Variants in MACF1 observed in about 807,000 individuals in gnomAD.
MACF1 encodes microtubule actin crosslinking factor 1.
MACF1 carries 193 observed loss-of-function variants against 854.8 expected under a neutral mutation model. That is an observed-to-expected ratio of 0.23 (90% CI 0.20 to 0.25). The LOEUF (loss-of-function observed/expected upper bound fraction) is 0.25, where lower values mean the gene tolerates loss of function less well. Ranked by LOEUF, MACF1 falls within the 10% of genes least tolerant of loss-of-function variation. The probability of loss-of-function intolerance (pLI) is 1.00; values close to 1 mark genes in which losing one functional copy is unlikely to be tolerated. For missense variants in MACF1, 7,722 were observed against 8,929.1 expected (o/e 0.86, Z 5.45); for synonymous variants, 3,185 against 3,226.7 (o/e 0.99, Z 0.44).
At chr1:39,225,751 G>T (rs1644709567) in intron 1 of MACF1, among the ~76,000 whole-genome samples, 1 of 151,976 alleles carries the variant, frequency 6.6e-6, no homozygotes, top group Admixed American at 6.6e-5. Context: ...CTCACATAAG[G>T]GTACTTTCTG....
At chr1:39,480,758 G>T (rs936849259) in intron 98 of MACF1, among the ~76,000 whole-genome samples, 162 bp from the exon 99 acceptor site, 5 of 152,300 alleles carry the variant, frequency 3.3e-5, no homozygotes, top group African/African-American at 9.6e-5. Flanking sequence ...GTTAGTGCCT[G>T]CCTGGTCCTT....
chr1:39,441,360 A>G (rs749992740), intron 74 of MACF1, 35 bp downstream of exon 74: 6 of 1,557,968 alleles, frequency 3.9e-6, no homozygotes, highest in Admixed American at 1.7e-5. Flanking sequence ...AAGGAAATAC[A>G]GGTTCTGTTT....
intron 61 of MACF1, among the ~76,000 whole-genome samples, chr1:39,426,285 G>A (rs1643724378): frequency 6.6e-6 from 1 of 152,150 alleles, no homozygotes; most frequent in Admixed American, 6.5e-5. Context: ...TGAATTTCCA[G>A]TAATCAAAAT....
In MACF1 at chr1:39,351,033, T is replaced by C; in HGVS notation, c.11199+15T>C. Reference sequence around the variant, plus strand: ...AGACTGAAAAGGTAATAGACTGCTATGACGCTTGATATTTTTCAAAAAAGA... The same window carrying C: ...AGACTGAAAAGGTAATAGACTGCTACGACGCTTGATATTTTTCAAAAAAGA... On this transcript the variant is annotated intron_variant, in intron 43 of 100. Transcript: ENST00000564288. 1.3e-6 allele frequency: 2 copies of C among 1,579,118 alleles called. No individual in the cohort carries two copies. The highest frequency in any genetic ancestry group is 2.3e-5 in the South Asian group (2 of 86,538).
intron 20 of MACF1, among the ~76,000 whole-genome samples, chr1:39,296,801 G>GA (rs1491178037): frequency 3.1e-5 from 1 of 31,880 alleles, no homozygotes; most frequent in Non-Finnish European, 7.9e-5. Context: ...AGGAAGGAAG[G>GA]AAAAGAAAGA....
chr1:39,379,488 G>A lies in MACF1; in HGVS notation c.13518+44G>A, dbSNP rs753980262. On this transcript the variant is annotated intron_variant, in intron 54 of 100. Coordinates refer to ENST00000564288, the MANE Select transcript of MACF1 (RefSeq NM_001394062.1). Reference sequence around the variant, plus strand: ...TTGCCTCCCAACACCAAGAGGAAGAGACAGCTGTACCAGTGTTCCTGCCCA... The same window carrying A: ...TTGCCTCCCAACACCAAGAGGAAGAAACAGCTGTACCAGTGTTCCTGCCCA... 16 of 1,574,502 alleles carry A rather than the reference G, an allele frequency of 1.0e-5. No homozygotes were observed. In the South Asian group the frequency reaches 1.7e-4, roughly 17 times the overall value.
chr1:39,408,213 C>A (rs915598090), intron 58 of MACF1, among the ~76,000 whole-genome samples: 1 of 152,174 alleles, frequency 6.6e-6, no homozygotes, highest in Non-Finnish European at 1.5e-5. Flanking sequence ...CCATTTTCTT[C>A]CGTCATTGAT....
At chr1:39,261,564 G>A (rs1435428705) in intron 6 of MACF1, among the ~76,000 whole-genome samples, 1 of 152,070 alleles carries the variant, frequency 6.6e-6, no homozygotes, top group East Asian at 1.9e-4. Flanking sequence ...ATGATAGATG[G>A]TCTTTTGTAT....
At chr1:39,424,979 G>A (rs894567784) in intron 61 of MACF1, among the ~76,000 whole-genome samples, 3 of 152,142 alleles carry the variant, frequency 2.0e-5, no homozygotes, top group East Asian at 1.9e-4. Context: ...TTCCTTACCT[G>A]AGTTGCAAAG....
At chr1:39,462,262 T>C (rs1644568721) in intron 93 of MACF1, among the ~76,000 whole-genome samples, 1 of 152,170 alleles carries the variant, frequency 6.6e-6, no homozygotes, top group African/African-American at 2.4e-5. Flanking sequence ...AAGTGAGTCA[T>C]GTCTGTGTGG....
intron 54 of MACF1, 50 bp from the exon 55 acceptor site, chr1:39,380,194 T>A: frequency 6.3e-7 from 1 of 1,591,952 alleles, no homozygotes; most frequent in South Asian, 1.1e-5. Flanking sequence ...CACACACAAC[T>A]TTGTTTCCTG....
intron 97 of MACF1, among the ~76,000 whole-genome samples, chr1:39,470,989 G>GA (rs1374987619): frequency 1.3e-5 from 2 of 152,108 alleles, no homozygotes; most frequent in Non-Finnish European, 2.9e-5. Context: ...CAAGGAAATT[G>GA]GGGAGGGCCA....
rs146614015 is a variant in MACF1 at position 39,335,345 on chromosome 1, T to A, written c.8757T>A (p.Ile2919=). ...AAAAAGCAGTGACAAAAATAGAAATTATTTCTCATATGAAGCAGTCTACCT... is the reference window on the plus strand; with the variant it reads ...AAAAAGCAGTGACAAAAATAGAAATAATTTCTCATATGAAGCAGTCTACCT... ...EQEKAVTKIE[I]ISHMKQSTSC... Residue 2919 remains isoleucine (I), a synonymous_variant, in exon 37 of 101, where the codon ATT becomes ATA. Coordinates refer to ENST00000564288, the MANE Select transcript of MACF1 (RefSeq NM_001394062.1). 23 of 1,613,774 alleles carry A rather than the reference T, an allele frequency of 1.4e-5. No homozygotes were observed. In the African/African-American group the frequency reaches 3.1e-4, roughly 22 times the overall value.
chr1:39,207,655 C>T (rs1271945077), intron 1 of MACF1, among the ~76,000 whole-genome samples: 3 of 152,038 alleles, frequency 2.0e-5, no homozygotes, highest in South Asian at 2.1e-4. Context: ...TTCAGGCTCT[C>T]GTCTCAATTT....
At chr1:39,404,515 A>C (rs1475218206) in intron 58 of MACF1, among the ~76,000 whole-genome samples, 6 of 152,086 alleles carry the variant, frequency 3.9e-5, no homozygotes, top group African/African-American at 1.4e-4. Context: ...ATTTGGAGAC[A>C]GGATCTCACT....
At chr1:39,143,352 A>G (rs1009522541) in intron 2 of MACF1, among the ~76,000 whole-genome samples, 1 of 152,176 alleles carries the variant, frequency 6.6e-6, no homozygotes, top group Non-Finnish European at 1.5e-5. Context: ...TCTGGTGGCA[A>G]TGTCTGGTTC....
intron 47 of MACF1, among the ~76,000 whole-genome samples, chr1:39,360,209 C>T (rs1351448636): frequency 6.6e-6 from 1 of 150,828 alleles, no homozygotes; most frequent in Non-Finnish European, 1.5e-5. Context: ...AATAGCTTAG[C>T]TTAGCCATCC....
intron 42 of MACF1, among the ~76,000 whole-genome samples, chr1:39,350,290 A>T (rs921712530): frequency 1.3e-5 from 2 of 152,198 alleles, no homozygotes; most frequent in Non-Finnish European, 2.9e-5. Context: ...TGGGTATGGT[A>T]TTGAGCACAA....
chr1:39,179,520 AG>A (rs1353397983), intron 2 of MACF1, among the ~76,000 whole-genome samples: 1 of 152,136 alleles, frequency 6.6e-6, no homozygotes, highest in Non-Finnish European at 1.5e-5. Flanking sequence ...TGTAAAATGG[AG>A]GTGATAATTT....
Sources: gnomAD v4.1 joint callset for allele counts (sites outside exome capture counted in the v4.1 genomes callset) on GRCh38, gnomAD v4.1.1 for gene constraint, MANE v1.5 for transcripts, NCBI Gene and HGNC (gene_info 2026-07-23, HGNC 2026-07-21) for gene names.